KMT2C: variants seen among roughly 807,000 people sequenced by gnomAD.
KMT2C encodes the protein histone-lysine N-methyltransferase 2C.
KMT2C carries 88 observed loss-of-function variants against 507.9 expected under a neutral mutation model. The observed-to-expected ratio is 0.17, with a 90% CI of 0.15 to 0.21. The LOEUF (loss-of-function observed/expected upper bound fraction) is 0.21. Among genes scored for constraint, KMT2C ranks in the 10% least tolerant of loss-of-function variants. The probability of loss-of-function intolerance (pLI) is 1.00; values close to 1 mark genes in which losing one functional copy is unlikely to be tolerated. For missense variants in KMT2C, 4,954 were observed against 5,957.8 expected (o/e 0.83, Z 5.55); for synonymous variants, 2,049 against 2,080.8 (o/e 0.98, Z 0.42).
intron 43 of KMT2C, among the ~76,000 whole-genome samples, chr7:152,161,711 A>T (rs1235527501): frequency 6.6e-6 from 1 of 152,200 alleles, no homozygotes; most frequent in Non-Finnish European, 1.5e-5. Context: ...GGTATCCCTA[A>T]GAGTGCCAAG....
Position 152,399,287 on chromosome 7 carries a change from T to C in KMT2C, c.161+36339A>G, listed in dbSNP as rs12112851. On this transcript the variant is annotated intron_variant, in intron 1 of 58. Coordinates refer to ENST00000262189, the MANE Select transcript of KMT2C (RefSeq NM_170606.3). ...AGTTTGAGAACTGAAAGAGATTCTC[T>C]GGCTCAAATAGCAGATCAAACATAT... Among the ~76,000 whole-genome samples, 467 of 152,346 alleles carry C rather than the reference T, an allele frequency of 3.1e-3. 2 individuals carry two copies. Among genetic ancestry groups the C allele is most frequent in the African/African-American group, 0.011 (437 of 41,574 alleles).
intron 2 of KMT2C, among the ~76,000 whole-genome samples, chr7:152,335,793 A>C (rs1202389773): frequency 1.3e-5 from 2 of 152,228 alleles, no homozygotes; most frequent in Non-Finnish European, 2.9e-5. Context: ...GCCAGAAGGA[A>C]ATAGAAAAGT....
At chr7:152,314,763 T>A (rs1199207861) in intron 4 of KMT2C, among the ~76,000 whole-genome samples, 1 of 152,168 alleles carries the variant, frequency 6.6e-6, no homozygotes, top group Admixed American at 6.5e-5. Context: ...AAAAGCTTAT[T>A]TAGAGAAACA....
intron 2 of KMT2C, among the ~76,000 whole-genome samples, chr7:152,343,454 A>G (rs1458685872): frequency 1.3e-5 from 2 of 151,430 alleles, no homozygotes; most frequent in East Asian, 3.9e-4. Flanking sequence ...GACTGGGAAA[A>G]AAAAAAAAAA....
At chr7:152,302,988 A>G (rs1344710879) in intron 6 of KMT2C, among the ~76,000 whole-genome samples, 3 of 151,884 alleles carry the variant, frequency 2.0e-5, no homozygotes, top group African/African-American at 7.2e-5. Context: ...CATTTGTAGC[A>G]TGTAGAATGA....
In KMT2C at chr7:152,298,465, A is replaced by G. The variant is rs2096536118; in HGVS notation, c.849+11501T>C. Among the ~76,000 whole-genome samples the G allele has an allele frequency of 2.6e-5, 4 of 152,222 alleles. No homozygotes were observed. The South Asian group carries it at 6.2e-4, about 24-fold the overall frequency. ...AACAACATCAGATTTCTTTTGAGAA[A>G]CAATGCAAGTGAGAAGACAGCAGTA... On this transcript the variant is annotated intron_variant, in intron 6 of 58. Transcript: ENST00000262189.
At chr7:152,225,539 C>T (rs1189662191) in intron 18 of KMT2C, among the ~76,000 whole-genome samples, 3 of 152,114 alleles carry the variant, frequency 2.0e-5, no homozygotes, top group African/African-American at 7.2e-5. Context: ...AGACAGAACA[C>T]GTTGTAGACA....
intron 1 of KMT2C, among the ~76,000 whole-genome samples, chr7:152,401,723 G>A (rs999228828): frequency 6.6e-6 from 1 of 152,244 alleles, no homozygotes; most frequent in African/African-American, 2.4e-5. Flanking sequence ...AAAGTAGTAA[G>A]GAGTACAATA....
chr7:152,200,655 A>G (rs997835046), intron 26 of KMT2C, among the ~76,000 whole-genome samples: 1 of 152,156 alleles, frequency 6.6e-6, no homozygotes, highest in Non-Finnish European at 1.5e-5. Context: ...ACTTGAACCC[A>G]GAAGGCAGAG....
chr7:152,181,726 G>T lies in KMT2C; in HGVS notation c.6134C>A (p.Thr2045Asn). ...PLDSGPGPFK[T>N]PMQPPPSSQD... ...AGAGGATGGAGGAGGTTGCATTGGA[G>T]TCTTAAAAGGTCCAGGACCACTATC... The change falls in exon 36 of 59, where the codon ACT becomes AAT. Residue 2045 changes from threonine to asparagine, a missense_variant. Around this residue, in one of 29 missense-constraint regions of KMT2C, gnomAD observed 1,689 missense variants for 1,654.3 expected, o/e 1.02. Transcript: ENST00000262189. 1.2e-6 allele frequency: 2 copies of T among 1,614,126 alleles called. No individual in the cohort carries two copies. Among genetic ancestry groups the T allele is most frequent in the Non-Finnish European group, 1.7e-6 (2 of 1,180,028 alleles).
intron 1 of KMT2C, among the ~76,000 whole-genome samples, chr7:152,380,283 C>A (rs1416570187): frequency 7.2e-6 from 1 of 138,534 alleles, no homozygotes; most frequent in African/African-American, 2.7e-5. Context: ...ACAAAAAAAA[C>A]TAGGCTGGGC....
intron 53 of KMT2C, 83 bp from the exon 54 acceptor site, chr7:152,145,378 C>T (rs958303457): frequency 1.0e-5 from 14 of 1,379,210 alleles, no homozygotes; most frequent in Admixed American, 8.3e-5. Flanking sequence ...GGATGGCCCA[C>T]GACAGAAATA....
chr7:152,385,438 C>G (rs1286912793), intron 1 of KMT2C, among the ~76,000 whole-genome samples: 7 of 133,098 alleles, frequency 5.3e-5, no homozygotes, highest in Non-Finnish European at 9.0e-5. Context: ...CGGTGAAACC[C>G]CGTCTCTACT....
chr7:152,176,311 G>C lies in KMT2C; in HGVS notation c.9142C>G (p.Leu3048Val), dbSNP rs1232162199. 1 of 1,614,124 alleles carries C rather than the reference G, an allele frequency of 6.2e-7. No individual in the cohort carries two copies. Among genetic ancestry groups the C allele is most frequent in the Non-Finnish European group, 8.5e-7 (1 of 1,180,022 alleles). ...AQQNRERPLLLEEQPLLLQDL... is the reference protein window; with the variant it reads ...AQQNRERPLLVEEQPLLLQDL... ...TGTAGAAGTAGAGGCTGTTCTTCTA[G>C]AAGAAGGGGCCTCTCTCTATTCTGC... The change falls in exon 38 of 59, where the codon CTA becomes GTA. Residue 3048 changes from leucine (L) to valine (V), a missense_variant. By Grantham distance (32) the Leu-to-Val change is conservative. Coordinates refer to ENST00000262189, the MANE Select transcript of KMT2C (RefSeq NM_170606.3).
Position 152,150,881 on chromosome 7 carries a change from G to C in KMT2C, c.12774+19C>G, listed in dbSNP as rs767300474. On this transcript the variant is annotated intron_variant, in intron 51 of 58. Coordinates refer to ENST00000262189, the MANE Select transcript of KMT2C (RefSeq NM_170606.3). ...CACTCGTTACACATTGTTATCAGCT[G>C]AGATTATCCTAATCTCACCTTGTTT... The C allele has an allele frequency of 1.7e-5, 26 of 1,505,066 alleles. No individual in the cohort carries two copies. The highest frequency in any genetic ancestry group is 2.3e-5 in the Non-Finnish European group (25 of 1,081,460). 93.2% of individuals were successfully genotyped at this position (1,505,066 alleles called of 1,614,324 possible).
At chr7:152,165,136 C>A (rs1167218530) in intron 42 of KMT2C, among the ~76,000 whole-genome samples, 1 of 152,144 alleles carries the variant, frequency 6.6e-6, no homozygotes, top group Non-Finnish European at 1.5e-5. Context: ...GAGAAATTAC[C>A]ATTGGTTGGT....
intron 57 of KMT2C, 80 bp downstream of exon 57, chr7:152,139,106 T>G: frequency 7.3e-7 from 1 of 1,376,426 alleles, no homozygotes; most frequent in Non-Finnish European, 1.0e-6. Context: ...TGAGAGCCTT[T>G]CCCTTGGCTT....
At chr7:152,342,299 T>C (rs903721211) in intron 2 of KMT2C, among the ~76,000 whole-genome samples, 2 of 152,170 alleles carry the variant, frequency 1.3e-5, no homozygotes, top group Admixed American at 1.3e-4. Context: ...ATCTTGATAT[T>C]AAATCCGATA....
rs192432548 is a variant in KMT2C, at chr7:152,210,542, T to G, written c.3713-3114A>C. ...AACATTATGAGACTTTTTATGAGTT[T>G]TTTTTTTTTTAAAAAAGCTCATCAG... On this transcript the variant is annotated intron_variant, in intron 23 of 58. Coordinates refer to ENST00000262189, the MANE Select transcript of KMT2C (RefSeq NM_170606.3). Among the ~76,000 whole-genome samples, 27 of 151,934 alleles carry G rather than the reference T, an allele frequency of 1.8e-4. No homozygotes were observed. In the East Asian group the frequency reaches 4.6e-3, roughly 26 times the overall value.
Sources: allele counts gnomAD v4.1 joint callset (sites outside exome capture counted in the v4.1 genomes callset), GRCh38; gene constraint gnomAD v4.1.1; regional missense constraint gnomAD v4.1.1; transcripts MANE v1.5; gene names NCBI Gene and HGNC (gene_info 2026-07-23, HGNC 2026-07-21).